The following CCDC171 variants were observed in gnomAD, a reference collection of about 807,000 sequenced individuals.
The protein encoded by CCDC171 is coiled-coil domain-containing protein 171.
A neutral mutation model predicts 168.2 loss-of-function variants in CCDC171; 177 were observed. The observed-to-expected ratio is 1.05, with a 90% CI of 0.93 to 1.19. The LOEUF (loss-of-function observed/expected upper bound fraction) is 1.19, where lower values mean the gene tolerates loss of function less well. Among genes scored for constraint, CCDC171 ranks in the 50% most tolerant of loss-of-function variants. CCDC171 has a pLI of 0.00. For synonymous variants in CCDC171, 687 were observed against 540.8 expected, an observed-to-expected ratio of 1.27 and a Z score of -3.75; for missense variants, 1,991 against 1,539.0, an observed-to-expected ratio of 1.29 and a Z score of -4.91.
At chr9:15,686,440 G>A (rs575622454) in intron 10 of CCDC171, among the ~76,000 whole-genome samples, 27 of 151,998 alleles carry the variant, frequency 1.8e-4, no homozygotes, top group African/African-American at 5.8e-4. Context: ...GCGTGAACCC[G>A]GGAGGCAGAG....
intron 3 of CCDC171, among the ~76,000 whole-genome samples, chr9:15,575,903 C>A (rs1368961502): frequency 6.6e-6 from 1 of 152,068 alleles, no homozygotes; most frequent in Non-Finnish European, 1.5e-5. Flanking sequence ...ACCAGCCTGG[C>A]CAACATGGCG....
chr9:16,000,610 G>C (rs1832511554), intron 3 of CCDC171, among the ~76,000 whole-genome samples: 3 of 152,104 alleles, frequency 2.0e-5, no homozygotes, highest in South Asian at 4.1e-4. Flanking sequence ...CAGAATTTGA[G>C]TGTGAGTGTC....
chr9:15,614,648 C>G (rs557079322), intron 6 of CCDC171, among the ~76,000 whole-genome samples: 1 of 151,968 alleles, frequency 6.6e-6, no homozygotes, highest in Non-Finnish European at 1.5e-5. Flanking sequence ...TTTTAAATAC[C>G]CATTTCTCTT....
In CCDC171 at chr9:15,591,773, A is replaced by G. The variant is rs1024018299; in HGVS notation, c.543+217A>G. 4.6e-5 allele frequency among the ~76,000 whole-genome samples: 7 copies of G among 152,206 alleles called. 1 individual carries two copies. In the South Asian group the frequency reaches 1.5e-3, roughly 32 times the overall value. On this transcript the variant is annotated intron_variant, in intron 5 of 25. Coordinates refer to ENST00000380701, the MANE Select transcript of CCDC171 (RefSeq NM_173550.4). ...GGTGAAAAACGGTTTGCGGTCGCTA[A>G]TCAAAATGTTAAAAGCCAACAAAGC...
rs1048304685 is a variant in CCDC171 at position 15,901,604 on chromosome 9, A to C, written c.3601-18666A>C. Among the ~76,000 whole-genome samples the C allele has an allele frequency of 5.9e-5, 9 of 152,334 alleles. No homozygotes were observed. The East Asian group carries it at 1.7e-3, about 29-fold the overall frequency. On this transcript the variant is annotated intron_variant, in intron 24 of 25. Coordinates refer to ENST00000380701, the MANE Select transcript of CCDC171 (RefSeq NM_173550.4). ...AACTCACTTTGTTGACTATAAATACATGCCATTAATTATACAAGATAATAA... is the reference window on the plus strand; with the variant it reads ...AACTCACTTTGTTGACTATAAATACCTGCCATTAATTATACAAGATAATAA...
At chr9:15,856,118 T>A (rs1225843328) in intron 23 of CCDC171, among the ~76,000 whole-genome samples, 2 of 151,952 alleles carry the variant, frequency 1.3e-5, no homozygotes, top group Non-Finnish European at 2.9e-5. Context: ...TCCCTTAGCT[T>A]CTGTTTATCT....
At chr9:15,726,649 C>G (rs1416867329) in intron 14 of CCDC171, among the ~76,000 whole-genome samples, 1 of 151,974 alleles carries the variant, frequency 6.6e-6, no homozygotes, top group Non-Finnish European at 1.5e-5. Context: ...AGGTGGCATA[C>G]ATAGTGAACT....
chr9:16,060,367 G>A (rs1411640625), intron 1 of CCDC171, among the ~76,000 whole-genome samples: 3 of 152,340 alleles, frequency 2.0e-5, no homozygotes, highest in South Asian at 4.1e-4. Flanking sequence ...ACCTGGGAAC[G>A]GTGACTTTGG....
intron 11 of CCDC171, among the ~76,000 whole-genome samples, chr9:15,719,390 G>A (rs1225349192): frequency 3.8e-5 from 4 of 104,892 alleles, no homozygotes; most frequent in Non-Finnish European, 5.8e-5. Context: ...CAAGGCTGGC[G>A]GGGGGGTGGG....
intron 9 of CCDC171, among the ~76,000 whole-genome samples, chr9:15,671,210 A>C (rs1301958118): frequency 6.6e-6 from 1 of 152,178 alleles, no homozygotes; most frequent in African/African-American, 2.4e-5. Context: ...AATTATTTGT[A>C]AACACTAACA....
rs138989790 is a variant in CCDC171, at chr9:15,675,187, G to GTTTTTTTTTTTTTTTTTTT, written c.1077-3568_1077-3550dup. The stretch of plus-strand genomic sequence containing the variant: ...ATCAGAGACTAGGATTGCAACTCCT[G>GTTTTTTTTTTTTTTTTTTT]TTTTTTTTTTTTTTTTTTTTTGCTT... On this transcript the variant is annotated intron_variant, in intron 9 of 25. Coordinates refer to ENST00000380701, the MANE Select transcript of CCDC171 (RefSeq NM_173550.4). Among the ~76,000 whole-genome samples, 19 of 75,524 alleles carry GTTTTTTTTTTTTTTTTTTT rather than the reference G, an allele frequency of 2.5e-4. 1 individual carries two copies. Among genetic ancestry groups the GTTTTTTTTTTTTTTTTTTT allele is most frequent in the East Asian group, 4.7e-4 (1 of 2,142 alleles). 49.5% of individuals were successfully genotyped at this position (75,524 alleles called of 152,430 possible). A position where few individuals can be genotyped will look rare whatever the true frequency, so the allele number is the denominator to read the frequency against.
chr9:15,999,322 GAA>G (rs1282394815), intron 3 of CCDC171, among the ~76,000 whole-genome samples: 3 of 144,902 alleles, frequency 2.1e-5, no homozygotes, highest in African/African-American at 7.7e-5. Context: ...AGAAAGAAAA[GAA>G]AAGAAGGAGG....
chr9:16,071,546 T>C, the CCDC171 span, among the ~76,000 whole-genome samples: 2 of 152,186 alleles, frequency 1.3e-5, no homozygotes, highest in Non-Finnish European at 2.9e-5. Context: ...CTGTCCCCAG[T>C]GCCTGGCCAT....
chr9:15,570,292 GT>G (rs905902127), intron 2 of CCDC171, among the ~76,000 whole-genome samples: 78 of 148,852 alleles, frequency 5.2e-4, no homozygotes, highest in South Asian at 6.4e-4. Flanking sequence ...TTTAAGAGCT[GT>G]TTTTTTTTTC....
At chr9:15,618,569 C>G (rs1411048341) in intron 6 of CCDC171, among the ~76,000 whole-genome samples, 1 of 152,130 alleles carries the variant, frequency 6.6e-6, no homozygotes, top group Non-Finnish European at 1.5e-5. Flanking sequence ...CACTGGCATA[C>G]GAAAAAACTC....
intron 21 of CCDC171, among the ~76,000 whole-genome samples, chr9:15,844,166 C>T (rs1563855020): frequency 1.3e-5 from 2 of 151,994 alleles, no homozygotes; most frequent in Admixed American, 1.3e-4. Context: ...AGAGGCGCGC[C>T]CTCTTGGTTT....
intron 11 of CCDC171, among the ~76,000 whole-genome samples, chr9:15,704,962 C>T (rs955886489): frequency 2.0e-5 from 3 of 152,098 alleles, no homozygotes; most frequent in Non-Finnish European, 4.4e-5. Flanking sequence ...CATTTATGAG[C>T]TTAGGTTACA....
At chr9:15,599,479 C>A (rs569394907) in intron 6 of CCDC171, among the ~76,000 whole-genome samples, 1 of 152,260 alleles carries the variant, frequency 6.6e-6, no homozygotes, top group East Asian at 1.9e-4. Flanking sequence ...TATTGGCCCC[C>A]ACTCTCTCCT....
intron 11 of CCDC171, among the ~76,000 whole-genome samples, chr9:15,711,058 G>C (rs1396769524): frequency 8.5e-5 from 13 of 152,264 alleles, no homozygotes; most frequent in Middle Eastern, 3.4e-3. Context: ...AATGGAATCT[G>C]CAGTAATGGA....
Sources: gnomAD v4.1 joint callset for allele counts (sites outside exome capture counted in the v4.1 genomes callset) on GRCh38, gnomAD v4.1.1 for gene constraint, MANE v1.5 for transcripts, NCBI Gene and HGNC (gene_info 2026-07-23, HGNC 2026-07-21) for gene names.